The following AUTS2 variants were observed in gnomAD, a reference collection of about 807,000 sequenced individuals.
AUTS2 encodes activator of transcription and developmental regulator AUTS2.
Under a neutral mutation model 112.4 loss-of-function variants are expected in AUTS2, and 17 were observed. That is an observed-to-expected ratio of 0.15 (90% CI 0.10 to 0.23). The LOEUF (loss-of-function observed/expected upper bound fraction) is 0.23. AUTS2 is among the 10% of genes least tolerant of loss of function. The pLI, the probability that AUTS2 is intolerant of heterozygous loss-of-function variation, is 1.00. For missense variants in AUTS2, 1,510 were observed against 1,701.6 expected (o/e 0.89, Z 1.98); for synonymous variants, 751 against 702.7 (o/e 1.07, Z -1.09).
chr7:70,171,431 G>A (rs1808681528), intron 4 of AUTS2, among the ~76,000 whole-genome samples: 1 of 152,114 alleles, frequency 6.6e-6, no homozygotes, highest in South Asian at 2.1e-4. Context: ...CATGGCTTTT[G>A]TGGGAGCCTC....
intron 1 of AUTS2, among the ~76,000 whole-genome samples, chr7:69,866,820 A>G (rs1793256831): frequency 6.6e-6 from 1 of 152,196 alleles, no homozygotes; most frequent in African/African-American, 2.4e-5. Context: ...TTTCTAGCAT[A>G]GCCTATGGGT....
intron 1 of AUTS2, among the ~76,000 whole-genome samples, chr7:69,785,152 TA>T (rs1418913614): frequency 2.6e-5 from 4 of 152,340 alleles, no homozygotes; most frequent in Admixed American, 2.0e-4. Context: ...TTTTATTACC[TA>T]AAATATTTTG....
intron 5 of AUTS2, among the ~76,000 whole-genome samples, chr7:70,650,056 G>C (rs1806414197): frequency 6.6e-6 from 1 of 152,122 alleles, no homozygotes; most frequent in Non-Finnish European, 1.5e-5. Flanking sequence ...TGGCTTCTCT[G>C]CCATTCTCTT....
intron 1 of AUTS2, among the ~76,000 whole-genome samples, chr7:69,798,295 G>A (rs1789936990): frequency 6.6e-6 from 1 of 152,144 alleles, no homozygotes; most frequent in South Asian, 2.1e-4. Flanking sequence ...TGAGAAAGAT[G>A]ATACCCCAAG....
chr7:69,713,882 G>A (rs1053209913), intron 1 of AUTS2, among the ~76,000 whole-genome samples: 2 of 152,062 alleles, frequency 1.3e-5, no homozygotes, highest in Non-Finnish European at 2.9e-5. Flanking sequence ...GAATAATAGA[G>A]GTTTTAAATT....
At chr7:70,030,090 C>G (rs1457309928) in intron 2 of AUTS2, among the ~76,000 whole-genome samples, 2 of 152,190 alleles carry the variant, frequency 1.3e-5, no homozygotes, top group Non-Finnish European at 2.9e-5. Flanking sequence ...GTATCACATT[C>G]TCACACTTCA....
At chr7:70,686,076 T>C (rs11763510) in intron 5 of AUTS2, among the ~76,000 whole-genome samples, 32,958 of 152,204 alleles carry the variant, frequency 0.22, 4,833 homozygotes, top group Non-Finnish European at 0.31. Flanking sequence ...GATCCTCACC[T>C]GTCAACAGAC....
intron 2 of AUTS2, among the ~76,000 whole-genome samples, chr7:69,928,849 G>T (rs1271231540): frequency 6.6e-6 from 1 of 152,180 alleles, no homozygotes; most frequent in African/African-American, 2.4e-5. Flanking sequence ...AGGATCACCT[G>T]TTCCTGGCCC....
At chr7:70,170,863 C>T (rs1808645944) in intron 4 of AUTS2, among the ~76,000 whole-genome samples, 1 of 152,148 alleles carries the variant, frequency 6.6e-6, no homozygotes, top group Non-Finnish European at 1.5e-5. Context: ...TCCTCGGCCT[C>T]CTAGAGTGCT....
intron 1 of AUTS2, among the ~76,000 whole-genome samples, chr7:69,716,756 T>TA (rs1241506662): frequency 3.3e-5 from 5 of 152,078 alleles, no homozygotes; most frequent in Non-Finnish European, 5.9e-5. Context: ...AACCAGCTAT[T>TA]AATCGGGGTT....
intron 1 of AUTS2, among the ~76,000 whole-genome samples, chr7:69,839,498 T>C (rs1052358598): frequency 5.9e-5 from 9 of 152,186 alleles, no homozygotes; most frequent in Admixed American, 5.9e-4. Context: ...TCTTCTATAA[T>C]AGGACCTTAT....
At chr7:70,336,001 T>A (rs1790973966) in intron 4 of AUTS2, among the ~76,000 whole-genome samples, 1 of 152,166 alleles carries the variant, frequency 6.6e-6, no homozygotes, top group African/African-American at 2.4e-5. Context: ...AGTAAATACA[T>A]AACTTTTAAG....
At chr7:70,236,546 A>G (rs914275363) in intron 4 of AUTS2, among the ~76,000 whole-genome samples, 4 of 152,190 alleles carry the variant, frequency 2.6e-5, no homozygotes, top group Admixed American at 6.5e-5. Flanking sequence ...CTGTATGTGT[A>G]TATTGCCGAT....
At chr7:70,648,406 C>T (rs189529125) in intron 5 of AUTS2, among the ~76,000 whole-genome samples, 2 of 152,186 alleles carry the variant, frequency 1.3e-5, no homozygotes, top group African/African-American at 2.4e-5. Context: ...CAGGGACAGG[C>T]GTGGGAGCAT....
At chr7:70,641,832 G>A (rs944379694) in intron 5 of AUTS2, among the ~76,000 whole-genome samples, 4 of 152,174 alleles carry the variant, frequency 2.6e-5, no homozygotes, top group African/African-American at 9.7e-5. Context: ...TCTGTTTCTT[G>A]TCACTCCACA....
At chr7:69,654,208 TTC>T (rs538751331) in intron 1 of AUTS2, among the ~76,000 whole-genome samples, 70 of 152,160 alleles carry the variant, frequency 4.6e-4, no homozygotes, top group Non-Finnish European at 8.2e-4. Context: ...CCACTTTTTA[TTC>T]TCTCTTTTGA....
intron 5 of AUTS2, among the ~76,000 whole-genome samples, chr7:70,583,415 C>G (rs944939429): frequency 2.0e-5 from 3 of 152,170 alleles, no homozygotes; most frequent in Admixed American, 2.0e-4. Flanking sequence ...ATCACAACCG[C>G]AGTGATTAGC....
At chr7:69,858,724 C>T (rs542120212) in intron 1 of AUTS2, among the ~76,000 whole-genome samples, 3 of 152,186 alleles carry the variant, frequency 2.0e-5, no homozygotes, top group African/African-American at 7.2e-5. Flanking sequence ...AGTGAAAGTA[C>T]TAAAGAATAG....
intron 2 of AUTS2, among the ~76,000 whole-genome samples, chr7:69,926,142 G>T (rs1164675411): frequency 1.3e-5 from 2 of 152,182 alleles, no homozygotes; most frequent in Admixed American, 6.5e-5. Context: ...TCTGTAGTTG[G>T]TAGGAATGTT....
Sources: gnomAD v4.1 joint callset for allele counts (sites outside exome capture counted in the v4.1 genomes callset) on GRCh38, gnomAD v4.1.1 for gene constraint, MANE v1.5 for transcripts, NCBI Gene and HGNC (gene_info 2026-07-23, HGNC 2026-07-21) for gene names.